Variants in NAV2 observed in about 807,000 individuals in gnomAD.
The protein encoded by NAV2 is helicase, APC down-regulated 1.
NAV2 carries 54 observed loss-of-function variants against 223.2 expected under a neutral mutation model. The ratio of observed to expected loss-of-function variants is 0.24; its 90% CI spans 0.19 to 0.30. The LOEUF (loss-of-function observed/expected upper bound fraction) is 0.30, where lower values mean the gene tolerates loss of function less well. Ranked by LOEUF, NAV2 falls within the 10% of genes least tolerant of loss-of-function variation. The probability of loss-of-function intolerance (pLI) is 1.00; values close to 1 mark genes in which losing one functional copy is unlikely to be tolerated. For synonymous variants in NAV2, 1,279 were observed against 1,239.3 expected (o/e 1.03, Z -0.67); for missense variants, 2,806 against 3,147.5 (o/e 0.89, Z 2.60).
At chr11:19,532,347 C>T (rs868554555) in intron 1 of NAV2, among the ~76,000 whole-genome samples, 16 of 152,172 alleles carry the variant, frequency 1.1e-4, no homozygotes, top group Admixed American at 2.6e-4. Context: ...ACTGTTTTCT[C>T]ATCAGTAATA....
At chr11:19,372,734 T>G (rs910454825) in intron 1 of NAV2, among the ~76,000 whole-genome samples, 3 of 152,160 alleles carry the variant, frequency 2.0e-5, no homozygotes, top group African/African-American at 7.2e-5. Flanking sequence ...GAGATATTAG[T>G]AATAAGTAAA....
intron 1 of NAV2, among the ~76,000 whole-genome samples, chr11:19,358,121 C>T (rs966028943): frequency 2.6e-5 from 4 of 152,134 alleles, no homozygotes; most frequent in African/African-American, 9.7e-5. Context: ...CTCCCATCCT[C>T]AGGGCATTAA....
chr11:19,936,252 G>A (rs2045894384), intron 7 of NAV2, among the ~76,000 whole-genome samples: 1 of 151,882 alleles, frequency 6.6e-6, no homozygotes, highest in African/African-American at 2.4e-5. Context: ...TAGTCTTAAG[G>A]TAATACATAT....
intron 1 of NAV2, among the ~76,000 whole-genome samples, chr11:19,478,512 G>A (rs944512864): frequency 2.0e-5 from 3 of 152,146 alleles, no homozygotes; most frequent in Non-Finnish European, 2.9e-5. Context: ...ACAAGAAATG[G>A]GGAGGATATT....
intron 1 of NAV2, among the ~76,000 whole-genome samples, chr11:19,438,537 A>T (rs4757809): frequency 6.6e-6 from 1 of 152,114 alleles, no homozygotes; most frequent in Non-Finnish European, 1.5e-5. Context: ...ACCAATTTTC[A>T]TACTCTCCAG....
intron 1 of NAV2, among the ~76,000 whole-genome samples, chr11:19,381,522 T>C (rs184301243): frequency 3.1e-4 from 47 of 152,318 alleles, no homozygotes; most frequent in Non-Finnish European, 3.5e-4. Context: ...ACGGAGACCC[T>C]GACTCTTTCC....
intron 1 of NAV2, among the ~76,000 whole-genome samples, chr11:19,719,775 G>A (rs1237476701): frequency 6.6e-6 from 1 of 152,184 alleles, no homozygotes; most frequent in African/African-American, 2.4e-5. Flanking sequence ...TAAGAACAAC[G>A]TCATCCAAAG....
At chr11:20,034,017 T>G (rs2056074151) in intron 11 of NAV2, among the ~76,000 whole-genome samples, 1 of 152,184 alleles carries the variant, frequency 6.6e-6, no homozygotes, top group Non-Finnish European at 1.5e-5. Flanking sequence ...CTGCCTGGCC[T>G]CCCAAGCCTG....
At chr11:19,977,375 G>A (rs764316749) in intron 10 of NAV2, among the ~76,000 whole-genome samples, 1 of 152,214 alleles carries the variant, frequency 6.6e-6, no homozygotes, top group Non-Finnish European at 1.5e-5. Context: ...AAAGGTTGTT[G>A]TTGGTTTTGT....
At chr11:19,924,132 A>G (rs535704481) in intron 6 of NAV2, among the ~76,000 whole-genome samples, 21 of 152,260 alleles carry the variant, frequency 1.4e-4, no homozygotes, top group African/African-American at 4.8e-4. Context: ...AGGTGTTATC[A>G]TAGGGTCAAA....
intron 1 of NAV2, among the ~76,000 whole-genome samples, chr11:19,756,887 AATTGCCCCTGGTAC>A (rs1244537716): frequency 3.9e-5 from 6 of 152,086 alleles, no homozygotes; most frequent in Admixed American, 2.0e-4. Flanking sequence ...CCCTTTCCTG[AATTGCCCCTGGTAC>A]AGAGAGAGCT....
At chr11:19,472,773 C>G (rs540972750) in intron 1 of NAV2, among the ~76,000 whole-genome samples, 1 of 152,078 alleles carries the variant, frequency 6.6e-6, no homozygotes, top group Non-Finnish European at 1.5e-5. Context: ...CGGTAGTTGC[C>G]GGGAAGATGA....
At chr11:19,500,433 A>T (rs1256786804) in intron 1 of NAV2, among the ~76,000 whole-genome samples, 1 of 152,214 alleles carries the variant, frequency 6.6e-6, no homozygotes, top group Admixed American at 6.5e-5. Flanking sequence ...TGTGGCAATA[A>T]AAAGCTGATA....
intron 1 of NAV2, among the ~76,000 whole-genome samples, chr11:19,725,757 G>A (rs2051180794): frequency 6.6e-6 from 1 of 152,224 alleles, no homozygotes; most frequent in Non-Finnish European, 1.5e-5. Context: ...TGAAGTATAT[G>A]AATTGCCCAC....
intron 1 of NAV2, among the ~76,000 whole-genome samples, chr11:19,781,295 G>C (rs1231075602): frequency 6.6e-6 from 1 of 152,178 alleles, no homozygotes; most frequent in Non-Finnish European, 1.5e-5. Context: ...TGAGCGTGCA[G>C]TATAGATGCC....
intron 5 of NAV2, among the ~76,000 whole-genome samples, chr11:19,888,466 T>C (rs563889929): frequency 6.6e-6 from 1 of 152,272 alleles, no homozygotes; most frequent in South Asian, 2.1e-4. Flanking sequence ...TTGATAGACA[T>C]TCCCATGATA....
intron 5 of NAV2, among the ~76,000 whole-genome samples, chr11:19,890,276 C>T (rs73439507): frequency 0.028 from 4,228 of 152,238 alleles, 169 homozygotes; most frequent in African/African-American, 0.091. Context: ...CACCATGCTG[C>T]CTCACAGAGG....
At chr11:19,593,492 G>A (rs2046118506) in intron 1 of NAV2, among the ~76,000 whole-genome samples, 1 of 152,224 alleles carries the variant, frequency 6.6e-6, no homozygotes, top group African/African-American at 2.4e-5. Context: ...GTATAAAGCA[G>A]CTATAAATAT....
intron 37 of NAV2, among the ~76,000 whole-genome samples, chr11:20,117,216 T>C (rs1200783485): frequency 2.0e-5 from 3 of 146,500 alleles, no homozygotes; most frequent in African/African-American, 7.8e-5. Flanking sequence ...AAAGTAGTTT[T>C]TATTCCCTCT....
Sources: allele counts gnomAD v4.1 joint callset (sites outside exome capture counted in the v4.1 genomes callset), GRCh38; gene constraint gnomAD v4.1.1; transcripts MANE v1.5; gene names NCBI Gene and HGNC (gene_info 2026-07-23, HGNC 2026-07-21).